CLK2: variants seen among roughly 807,000 people sequenced by gnomAD.
CLK2 encodes the protein dual specificity protein kinase CLK2.
CLK2 carries 12 observed loss-of-function variants against 73.5 expected under a neutral mutation model. That is an observed-to-expected ratio of 0.16 (90% confidence interval 0.10 to 0.26). CLK2 has a LOEUF of 0.26. Among genes scored for constraint, CLK2 ranks in the 10% least tolerant of loss-of-function variants. CLK2 has a pLI of 1.00. For synonymous variants in CLK2, 232 were observed against 237.9 expected (o/e 0.98, Z 0.23); for missense variants, 509 against 688.4 (o/e 0.74, Z 2.92).
In CLK2 at chr1:155,269,869, G is replaced by C. The variant is rs540970005; in HGVS notation, c.171-153C>G. 5.3e-5 allele frequency among the ~76,000 whole-genome samples: 8 copies of C among 152,298 alleles called. No homozygotes were observed. The South Asian group carries it at 1.7e-3, about 32-fold the overall frequency. ...AGTCACTGAGAGGACCAAGGGACCA[G>C]AGAAGTGAGGTAACAAGCACATCTG... On this transcript the variant is annotated intron_variant, in intron 2 of 12. Transcript: ENST00000368361.
chr1:155,265,005 C>G (rs959429306), intron 8 of CLK2, among the ~76,000 whole-genome samples: 3 of 152,140 alleles, frequency 2.0e-5, no homozygotes, highest in African/African-American at 7.2e-5. Flanking sequence ...CATCTGTAAG[C>G]ATCTGAAGAC....
rs775181022 is a variant in CLK2, at chr1:155,264,453, C to T, written c.1146+15G>A. ...AAGAATGCCAGGCAGTCAAGTAAGACATCCCATCACTTACCTGGAAGAGGG... is the reference window on the plus strand; with the variant it reads ...AAGAATGCCAGGCAGTCAAGTAAGATATCCCATCACTTACCTGGAAGAGGG... On this transcript the variant is annotated intron_variant, in intron 10 of 12. Transcript: ENST00000368361. 1.2e-6 allele frequency: 2 copies of T among 1,613,212 alleles called. No individual in the cohort carries two copies. Among genetic ancestry groups the T allele is most frequent in the South Asian group, 1.1e-5 (1 of 91,038 alleles).
chr1:155,271,620 C>G (rs746828149), intron 1 of CLK2, among the ~76,000 whole-genome samples: 3 of 152,182 alleles, frequency 2.0e-5, no homozygotes, highest in Admixed American at 6.5e-5. Context: ...GTATGACGAC[C>G]GATGGAGACT....
Position 155,264,306 on chromosome 1 carries a change from A to T in CLK2, c.1147-6T>A. On this transcript the variant is annotated splice_polypyrimidine_tract_variant and splice_region_variant and intron_variant, in intron 10 of 12. Coordinates refer to ENST00000368361, the MANE Select transcript of CLK2 (RefSeq NM_001294338.2). ...TGCTCTCTGTTGTCATGGGTCTGGG[A>T]AACAAAAACAGAACTGAGCATGGGA... 6.2e-7 allele frequency: 1 copy of T among 1,614,146 alleles called. No homozygotes were observed. Among genetic ancestry groups the T allele is most frequent in the Non-Finnish European group, 8.5e-7 (1 of 1,180,012 alleles).
intron 2 of CLK2, 146 bp downstream of exon 2, chr1:155,270,662 C>T: frequency 1.1e-6 from 1 of 897,034 alleles, no homozygotes; most frequent in Non-Finnish European, 1.7e-6. Context: ...CACTGCAGCC[C>T]AAATGGCTTC....
rs753020535 is a variant in CLK2 at position 155,264,568 on chromosome 1, G to A, written c.1064-18C>T. 3.0e-5 allele frequency: 49 copies of A among 1,614,090 alleles called. No homozygotes were observed. In the Middle Eastern group the frequency reaches 8.2e-4, roughly 27 times the overall value. Reference sequence around the variant, plus strand: ...GCCCAACTCTGGGTGAGAATGGGAGGGAAAAGGTGTTATGAGGCTTAGGTG... The same window carrying A: ...GCCCAACTCTGGGTGAGAATGGGAGAGAAAAGGTGTTATGAGGCTTAGGTG... On this transcript the variant is annotated intron_variant, in intron 9 of 12. Coordinates refer to ENST00000368361, the MANE Select transcript of CLK2 (RefSeq NM_001294338.2).
chr1:155,266,951 A>G, intron 6 of CLK2, 56 bp from the exon 7 acceptor site: 1 of 1,585,086 alleles, frequency 6.3e-7, no homozygotes, highest in Non-Finnish European at 8.6e-7. Context: ...TCTGCCCATC[A>G]GCCATCCAAC....
At position 155,270,911 on chromosome 1, in the gene CLK2, G is replaced by C; in HGVS notation, c.67C>G (p.Arg23Gly). ...CTTCGTCGCTTATGCTTTCGGCTCC[G>C]ATAGTGTTCACGGTAACTCCCCCGG... ...GSRGSYREHYRSRKHKRRRSR... is the reference protein window; with the variant it reads ...GSRGSYREHYGSRKHKRRRSR... The change falls in exon 2 of 13, where the codon CGG (arginine) becomes GGG (glycine). Residue 23 changes from arginine to glycine, a missense_variant. Transcript: ENST00000368361. The C allele has an allele frequency of 2.5e-6, 4 of 1,614,178 alleles. No individual in the cohort carries two copies. Among genetic ancestry groups the C allele is most frequent in the Non-Finnish European group, 3.4e-6 (4 of 1,180,026 alleles).
chr1:155,268,861 T>TGGGTGGGGGGTG lies in CLK2; in HGVS notation c.400-67_400-66insCACCCCCCACCC. ...GAGCGGGGGCCGGAGGGAGGCGGGGTGGGTGGTAGAGGGGTCACCGGTCAC... is the reference window on the plus strand; with the variant it reads ...GAGCGGGGGCCGGAGGGAGGCGGGGTGGGTGGGGGGTGGGGTGGTAGAGGGGTCACCGGTCAC... On this transcript the variant is annotated intron_variant, in intron 3 of 12. Coordinates refer to ENST00000368361, the MANE Select transcript of CLK2 (RefSeq NM_001294338.2). The surrounding 1 kb of genome is among the most constrained non-coding windows in gnomAD (Gnocchi z 5.6). The TGGGTGGGGGGTG allele has an allele frequency of 4.2e-6, 1 of 237,798 alleles. No individual in the cohort carries two copies. Among genetic ancestry groups the TGGGTGGGGGGTG allele is most frequent in the Non-Finnish European group, 7.5e-6 (1 of 134,188 alleles). The allele number at this position is 237,798 out of a possible 1,614,324, so 14.7% of individuals were successfully genotyped here. A position where few individuals can be genotyped will look rare whatever the true frequency, so the allele number is the denominator to read the frequency against.
At chr1:155,266,934 G>T in intron 6 of CLK2, 39 bp from the exon 7 acceptor site, 1 of 1,602,798 alleles carries the variant, frequency 6.2e-7, no homozygotes, top group Non-Finnish European at 8.5e-7. Context: ...TGTCTGATGA[G>T]CTCCCATCTG....
chr1:155,264,366 A>G, intron 10 of CLK2, 66 bp from the exon 11 acceptor site: 1 of 1,603,584 alleles, frequency 6.2e-7, no homozygotes, highest in Non-Finnish European at 8.5e-7. Flanking sequence ...GCTGCCAGGA[A>G]GGCAGGCAAT....
chr1:155,269,636 C>T lies in CLK2; in HGVS notation c.251G>A (p.Arg84Gln), dbSNP rs772087495. ...CGSYRRNDYS[R>Q]DRGDAYYDTD... is the part of the protein sequence containing the mutation. ...GTCATAGTAGGCATCTCCCCGATCC[C>T]GGCTATAATCGTTGCGTCTGTAGCT... The change falls in exon 3 of 13, where the codon CGG (arginine) becomes CAG (glutamine). Residue 84 changes from arginine (R) to glutamine (Q), a missense_variant. This residue lies in a region of CLK2 where 222 missense variants were observed against 221.7 expected (regional missense o/e 1.00). Transcript: ENST00000368361. 8.7e-6 allele frequency: 14 copies of T among 1,614,120 alleles called. No individual in the cohort carries two copies. The highest frequency in any genetic ancestry group is 1.3e-5 in the African/African-American group (1 of 74,932).
Position 155,270,851 on chromosome 1 carries a change from G to A in CLK2, c.127C>T (p.Arg43Ter). 1.2e-6 allele frequency: 2 copies of A among 1,613,532 alleles called. No homozygotes were observed. The highest frequency in any genetic ancestry group is 1.1e-5 in the South Asian group (1 of 91,070). Residue 43 changes from arginine (R) to a stop codon, truncating the protein, a stop_gained, in exon 2 of 13, where the codon CGA (arginine) becomes TGA (stop). Coordinates refer to ENST00000368361, the MANE Select transcript of CLK2 (RefSeq NM_001294338.2). LOFTEE classifies it high-confidence loss of function. Reference protein sequence around the residue: ...RSWSSSSDRTRRRRREDSYHV... With the variant: ...RSWSSSSDRT ...TAGCTGTCCTCTCGCCGACGCCGTC[G>A]TGTCCGGTCACTACTACTTGACCAG...
chr1:155,269,725 T>C lies in CLK2; in HGVS notation c.171-9A>G. Reference sequence around the variant, plus strand: ...AACGATCATCATAACTGCTGTTGGATAACAAATACCAATGAGGTGTATCTG... The same window carrying C: ...AACGATCATCATAACTGCTGTTGGACAACAAATACCAATGAGGTGTATCTG... On this transcript the variant is annotated splice_polypyrimidine_tract_variant and intron_variant, in intron 2 of 12. Coordinates refer to ENST00000368361, the MANE Select transcript of CLK2 (RefSeq NM_001294338.2). The C allele has an allele frequency of 1.2e-6, 2 of 1,612,206 alleles. No homozygotes were observed. The highest frequency in any genetic ancestry group is 1.7e-5 in the Admixed American group (1 of 60,024).
In CLK2 at chr1:155,263,600, T is replaced by C. The variant is rs2148129402; in HGVS notation, c.1318-200A>G. 4 of 985,158 alleles carry C rather than the reference T, an allele frequency of 4.1e-6. 1 individual carries two copies. In the South Asian group the frequency reaches 1.9e-4, roughly 46 times the overall value. The allele number at this position is 985,158 out of a possible 1,614,324, so 61.0% of individuals were successfully genotyped here. A position where few individuals can be genotyped will look rare whatever the true frequency, so the allele number is the denominator to read the frequency against. ...TCCCACTAGCACAATTACTCCATAA[T>C]CTTTGAAAGTTCTTTCTACTTGTAT... On this transcript the variant is annotated intron_variant, in intron 12 of 12. Transcript: ENST00000368361.
At chr1:155,266,507 C>T (rs573063657) in intron 7 of CLK2, among the ~76,000 whole-genome samples, 2 of 152,376 alleles carry the variant, frequency 1.3e-5, no homozygotes, top group African/African-American at 4.8e-5. Flanking sequence ...AAGGCTTTCT[C>T]TTCTAGCTGC....
Position 155,263,248 on chromosome 1 carries a change from C to A in CLK2, c.1470G>T (p.Leu490Phe), listed in dbSNP as rs1222174111. ...ARLRAEPPNK[L>F]WDSSRDISR is the part of the protein sequence containing the mutation. Reference sequence around the variant, plus strand: ...GACTGATATCCCGACTGGAGTCCCACAACTTGTTGGGCGGCTCAGCCCGAA... The same window carrying A: ...GACTGATATCCCGACTGGAGTCCCAAAACTTGTTGGGCGGCTCAGCCCGAA... Residue 490 changes from leucine (L) to phenylalanine (F), a missense_variant, in exon 13 of 13, where the codon TTG (leucine) becomes TTT (phenylalanine). Around this residue, in one of 6 missense-constraint regions of CLK2, gnomAD observed 134 missense variants for 146.0 expected, o/e 0.92. Coordinates refer to ENST00000368361, the MANE Select transcript of CLK2 (RefSeq NM_001294338.2). The A allele has an allele frequency of 1.2e-6, 2 of 1,613,802 alleles. No homozygotes were observed. Among genetic ancestry groups the A allele is most frequent in the Admixed American group, 1.7e-5 (1 of 59,994 alleles).
At chr1:155,269,845 G>C (rs1371235023) in intron 2 of CLK2, 129 bp from the exon 3 acceptor site, 1 of 802,212 alleles carries the variant, frequency 1.2e-6, no homozygotes, top group Non-Finnish European at 2.0e-6. Flanking sequence ...CACTTGTTGA[G>C]TCACTGAGAG....
At chr1:155,266,505 C>A (rs554816133) in intron 7 of CLK2, among the ~76,000 whole-genome samples, 1 of 152,368 alleles carries the variant, frequency 6.6e-6, no homozygotes, top group South Asian at 2.1e-4. Context: ...CAAAGGCTTT[C>A]TCTTCTAGCT....
Sources: gnomAD v4.1 joint callset for allele counts (sites outside exome capture counted in the v4.1 genomes callset) on GRCh38, gnomAD v4.1.1 for gene constraint, gnomAD v4.1.1 regional missense constraint, Gnocchi (gnomAD v3.1) non-coding constraint, MANE v1.5 for transcripts, NCBI Gene and HGNC (gene_info 2026-07-23, HGNC 2026-07-21) for gene names.